The following CNTNAP2 variants were observed in gnomAD, a reference collection of about 807,000 sequenced individuals.
The protein encoded by CNTNAP2 is contactin-associated protein-like 2.
Under a neutral mutation model 155.2 loss-of-function variants are expected in CNTNAP2, and 98 were observed. The observed-to-expected ratio is 0.63, with a 90% CI of 0.54 to 0.75. The LOEUF (loss-of-function observed/expected upper bound fraction) is 0.75, where lower values mean the gene tolerates loss of function less well. Among genes scored for constraint, CNTNAP2 ranks in the 30% least tolerant of loss-of-function variants. The probability of loss-of-function intolerance (pLI) is 0.00; values close to 1 mark genes in which losing one functional copy is unlikely to be tolerated. For missense variants in CNTNAP2, 1,727 were observed against 1,688.1 expected (o/e 1.02, Z -0.40); for synonymous variants, 651 against 631.2 (o/e 1.03, Z -0.47).
chr7:147,993,403 A>C (rs572836023), intron 15 of CNTNAP2, among the ~76,000 whole-genome samples: 1 of 152,174 alleles, frequency 6.6e-6, no homozygotes, highest in Non-Finnish European at 1.5e-5. Flanking sequence ...TTCATTTGTT[A>C]TTATTTAAGT....
intron 8 of CNTNAP2, among the ~76,000 whole-genome samples, chr7:147,273,993 ATATT>A (rs1563142391): frequency 6.7e-6 from 1 of 148,662 alleles, no homozygotes; most frequent in Non-Finnish European, 1.5e-5. Flanking sequence ...TATGTAGTAT[ATATT>A]ACATATTACA....
intron 1 of CNTNAP2, among the ~76,000 whole-genome samples, chr7:146,347,995 G>A (rs759766972): frequency 5.9e-5 from 9 of 152,122 alleles, no homozygotes; most frequent in South Asian, 2.1e-4. Context: ...ACGGCCCTGC[G>A]AGACTAAACA....
chr7:148,157,315 A>G (rs1026690687), intron 17 of CNTNAP2, among the ~76,000 whole-genome samples: 2 of 152,182 alleles, frequency 1.3e-5, no homozygotes, highest in African/African-American at 4.8e-5. Flanking sequence ...ATAGGGTCCA[A>G]TAACAACTGG....
At chr7:148,021,334 T>A (rs888685724) in intron 15 of CNTNAP2, among the ~76,000 whole-genome samples, 11 of 152,322 alleles carry the variant, frequency 7.2e-5, no homozygotes, top group Admixed American at 2.0e-4. Flanking sequence ...AAGAGGCTTA[T>A]GGTTTAGAAG....
At chr7:147,853,962 TTA>T (rs1369232956) in intron 13 of CNTNAP2, among the ~76,000 whole-genome samples, 1 of 152,146 alleles carries the variant, frequency 6.6e-6, no homozygotes, top group Non-Finnish European at 1.5e-5. Context: ...TGTAGAAAAA[TTA>T]TCTCACGGTT....
chr7:147,765,497 G>C (rs372412275), intron 13 of CNTNAP2, among the ~76,000 whole-genome samples: 46 of 152,312 alleles, frequency 3.0e-4, no homozygotes, highest in African/African-American at 1.1e-3. Context: ...AGTGTCATGA[G>C]TCAGCAGAGG....
intron 11 of CNTNAP2, among the ~76,000 whole-genome samples, chr7:147,532,751 A>G (rs1489430642): frequency 1.3e-5 from 2 of 152,206 alleles, no homozygotes; most frequent in African/African-American, 2.4e-5. Flanking sequence ...CAGCAGCAAG[A>G]GAAAATGAGG....
At chr7:147,879,489 C>T (rs1799483387) in intron 13 of CNTNAP2, among the ~76,000 whole-genome samples, 1 of 151,856 alleles carries the variant, frequency 6.6e-6, no homozygotes, top group Admixed American at 6.6e-5. Flanking sequence ...CGTGCTCTTC[C>T]AAAGGTCAAA....
At chr7:147,400,169 C>A (rs538049481) in intron 10 of CNTNAP2, among the ~76,000 whole-genome samples, 5 of 152,210 alleles carry the variant, frequency 3.3e-5, no homozygotes, top group South Asian at 2.1e-4. Context: ...ACTCCTTTAG[C>A]CACAGTTAGG....
At chr7:147,107,035 G>A (rs1041040500) in intron 4 of CNTNAP2, among the ~76,000 whole-genome samples, 29 of 152,272 alleles carry the variant, frequency 1.9e-4, no homozygotes, top group Middle Eastern at 6.8e-3. Context: ...GCTTTGTCCA[G>A]ACTTGTAATT....
intron 1 of CNTNAP2, among the ~76,000 whole-genome samples, chr7:146,481,151 T>C (rs1471842063): frequency 6.6e-6 from 1 of 152,182 alleles, no homozygotes; most frequent in African/African-American, 2.4e-5. Context: ...TTAATACTCT[T>C]GCAACGTAAA....
chr7:146,803,839 T>A (rs1367793299), intron 2 of CNTNAP2, among the ~76,000 whole-genome samples: 1 of 152,222 alleles, frequency 6.6e-6, no homozygotes, highest in African/African-American at 2.4e-5. Context: ...TATTTTCAAA[T>A]AATGCTGGAA....
chr7:147,860,935 G>T (rs1563114623), intron 13 of CNTNAP2, among the ~76,000 whole-genome samples: 1 of 152,140 alleles, frequency 6.6e-6, no homozygotes, highest in Non-Finnish European at 1.5e-5. Flanking sequence ...GTGACAACTT[G>T]GAATGAAAGA....
chr7:146,528,065 GTCT>G (rs1797717292), intron 1 of CNTNAP2, among the ~76,000 whole-genome samples: 1 of 152,016 alleles, frequency 6.6e-6, no homozygotes, highest in African/African-American at 2.4e-5. Flanking sequence ...AATTACCAGA[GTCT>G]TCTCAAAGAG....
intron 13 of CNTNAP2, among the ~76,000 whole-genome samples, chr7:147,815,022 G>A (rs919611025): frequency 2.6e-5 from 4 of 152,130 alleles, no homozygotes; most frequent in Non-Finnish European, 5.9e-5. Context: ...AGAGCACCAG[G>A]GGTTGGAGGG....
intron 1 of CNTNAP2, among the ~76,000 whole-genome samples, chr7:146,144,139 ATATTTATTTATT>A (rs531251321): frequency 6.6e-6 from 1 of 151,414 alleles, no homozygotes; most frequent in African/African-American, 2.4e-5. Context: ...ACTTCCTAAA[ATATTTATTTATT>A]TATTTATTTA....
intron 14 of CNTNAP2, among the ~76,000 whole-genome samples, chr7:147,960,765 T>C (rs1373408047): frequency 6.6e-6 from 1 of 152,064 alleles, no homozygotes; most frequent in Non-Finnish European, 1.5e-5. Context: ...TCAAAGATGC[T>C]GTATCTAATT....
chr7:146,177,787 G>A (rs192723057), intron 1 of CNTNAP2, among the ~76,000 whole-genome samples: 33 of 151,826 alleles, frequency 2.2e-4, no homozygotes, highest in East Asian at 1.2e-3. Flanking sequence ...TACAATATTG[G>A]GTGCATTCTC....
intron 3 of CNTNAP2, among the ~76,000 whole-genome samples, chr7:146,898,208 A>G (rs1280385297): frequency 1.3e-5 from 2 of 152,116 alleles, no homozygotes; most frequent in Admixed American, 1.3e-4. Context: ...TAAATACACA[A>G]TAATTTCTGA....
Sources: gnomAD v4.1 joint callset for allele counts (sites outside exome capture counted in the v4.1 genomes callset) on GRCh38, gnomAD v4.1.1 for gene constraint, MANE v1.5 for transcripts, NCBI Gene and HGNC (gene_info 2026-07-23, HGNC 2026-07-21) for gene names.